Variants in LHX8 observed in about 807,000 individuals in gnomAD.
LHX8 encodes the protein LIM homeobox 8, also known as LIM/homeobox protein Lhx8.
In LHX8, 12 loss-of-function variants were observed where a neutral mutation model predicts 40.3. The observed-to-expected ratio is 0.30, with a 90% CI of 0.19 to 0.48. The LOEUF (loss-of-function observed/expected upper bound fraction) is 0.48, where lower values mean the gene tolerates loss of function less well. Among genes scored for constraint, LHX8 ranks in the 20% least tolerant of loss-of-function variants. The pLI is 0.99. For synonymous variants in LHX8, 179 were observed against 162.0 expected, an observed-to-expected ratio of 1.10 and a Z score of -0.80; for missense variants, 344 against 433.7, an observed-to-expected ratio of 0.79 and a Z score of 1.84.
intron 8 of LHX8, 141 bp downstream of exon 8, chr1:75,157,217 G>A (rs1445435970): frequency 2.2e-6 from 2 of 893,548 alleles, no homozygotes; most frequent in African/African-American, 3.3e-5. Context: ...GCAGTAGAGA[G>A]CAAAATTATC....
chr1:75,179,309 G>A, the LHX8 span, among the ~76,000 whole-genome samples: 1 of 152,106 alleles, frequency 6.6e-6, no homozygotes, highest in Non-Finnish European at 1.5e-5. Flanking sequence ...GGGAGTCTAA[G>A]TCTCTTTTTA....
the LHX8 span, among the ~76,000 whole-genome samples, chr1:75,175,921 G>C: frequency 4.6e-5 from 7 of 152,206 alleles, no homozygotes; most frequent in African/African-American, 1.7e-4. Context: ...AACATGCAGT[G>C]TTTGGCTTTC....
At chr1:75,140,074 A>G (rs928640655) in intron 3 of LHX8, among the ~76,000 whole-genome samples, 13 of 152,224 alleles carry the variant, frequency 8.5e-5, no homozygotes, top group Non-Finnish European at 1.6e-4. Context: ...CATGCAAGCC[A>G]GTTCTATCTA....
In LHX8 at chr1:75,138,204, A is replaced by G. The variant is rs1421531689; in HGVS notation, c.237+943A>G. On this transcript the variant is annotated intron_variant, in intron 3 of 8. Transcript: ENST00000356261. ...GTTTCAACTTAAATAGCTTTTTAAA[A>G]CCACTATTTAAAATAATGGTCTCTC... Among the ~76,000 whole-genome samples, 3 of 152,282 alleles carry G rather than the reference A, an allele frequency of 2.0e-5. 1 individual carries two copies. Among genetic ancestry groups the G allele is most frequent in the East Asian group, 3.9e-4 (2 of 5,176 alleles).
At chr1:75,139,120 T>C (rs573488386) in intron 3 of LHX8, among the ~76,000 whole-genome samples, 1 of 152,252 alleles carries the variant, frequency 6.6e-6, no homozygotes, top group East Asian at 1.9e-4. Flanking sequence ...AACACTATCT[T>C]GTGAGGCAAA....
the LHX8 span, among the ~76,000 whole-genome samples, chr1:75,179,891 A>G: frequency 6.6e-6 from 1 of 152,130 alleles, no homozygotes; most frequent in African/African-American, 2.4e-5. Flanking sequence ...CCTGGTGGTG[A>G]CAAAATCTCT....
chr1:75,180,405 C>T, the LHX8 span, among the ~76,000 whole-genome samples: 1 of 152,098 alleles, frequency 6.6e-6, no homozygotes, highest in Non-Finnish European at 1.5e-5. Flanking sequence ...ACTCTTTTTT[C>T]TCTAAACTTC....
upstream of LHX8, chr1:75,131,654 G>C (rs1440532305): frequency 6.6e-6 from 1 of 152,276 alleles, no homozygotes; most frequent in East Asian, 1.9e-4. Flanking sequence ...AGGGCGGGTT[G>C]ATGTTCCCTC....
the LHX8 span, among the ~76,000 whole-genome samples, chr1:75,191,229 CA>C: frequency 1.3e-5 from 2 of 151,734 alleles, no homozygotes; most frequent in Non-Finnish European, 1.5e-5. Flanking sequence ...GAATGAAGAG[CA>C]AAAAACTTGG....
the LHX8 span, among the ~76,000 whole-genome samples, chr1:75,197,105 A>T: frequency 1.3e-5 from 2 of 152,242 alleles, no homozygotes; most frequent in African/African-American, 4.8e-5. Context: ...CAATTTTATA[A>T]AAAGGGTAAA....
chr1:75,149,670 C>G (rs1212576507), intron 7 of LHX8, among the ~76,000 whole-genome samples: 1 of 152,144 alleles, frequency 6.6e-6, no homozygotes. Context: ...ACCTCAGCCT[C>G]CCAAATAACT....
chr1:75,129,524 G>A (rs549627816), upstream of LHX8, among the ~76,000 whole-genome samples: 4 of 152,232 alleles, frequency 2.6e-5, no homozygotes, highest in South Asian at 8.3e-4. Context: ...AAAGTTGTGG[G>A]CGGTCGGCGC....
the LHX8 span, among the ~76,000 whole-genome samples, chr1:75,185,717 A>G: frequency 6.6e-6 from 1 of 152,198 alleles, no homozygotes; most frequent in African/African-American, 2.4e-5. Context: ...AGAGAAAAAA[A>G]CAAAGGGCAT....
chr1:75,154,488 A>G (rs961693654), intron 7 of LHX8, among the ~76,000 whole-genome samples: 1 of 152,008 alleles, frequency 6.6e-6, no homozygotes, highest in African/African-American at 2.4e-5. Flanking sequence ...AGATACTTTG[A>G]AGAAACTCTG....
chr1:75,173,966 T>TG, the LHX8 span, among the ~76,000 whole-genome samples: 1 of 151,950 alleles, frequency 6.6e-6, no homozygotes, highest in African/African-American at 2.4e-5. Flanking sequence ...CCAAAGGAAA[T>TG]GCTCTTTGGA....
the LHX8 span, among the ~76,000 whole-genome samples, chr1:75,190,174 G>A: frequency 1.3e-5 from 2 of 152,070 alleles, no homozygotes; most frequent in African/African-American, 4.8e-5. Context: ...CTTTTAGCTG[G>A]GTCTTAACGA....
the LHX8 span, among the ~76,000 whole-genome samples, chr1:75,194,461 C>T: frequency 6.6e-6 from 1 of 152,192 alleles, no homozygotes. Flanking sequence ...AGATAACACA[C>T]TTATTAGGCA....
chr1:75,150,965 G>A (rs1014006744), intron 7 of LHX8, among the ~76,000 whole-genome samples: 2 of 152,062 alleles, frequency 1.3e-5, no homozygotes, highest in African/African-American at 2.4e-5. Context: ...GTGAGCCACC[G>A]TGCCTAGCCG....
At chr1:75,193,327 G>A in the LHX8 span, among the ~76,000 whole-genome samples, 1 of 152,140 alleles carries the variant, frequency 6.6e-6, no homozygotes, top group Non-Finnish European at 1.5e-5. Context: ...CAGCCACTTA[G>A]GTTCAGGCTC....
Sources: gnomAD v4.1 joint callset for allele counts (sites outside exome capture counted in the v4.1 genomes callset) on GRCh38, gnomAD v4.1.1 for gene constraint, MANE v1.5 for transcripts, NCBI Gene and HGNC (gene_info 2026-07-23, HGNC 2026-07-21) for gene names.